The following REPS2 variants were observed in gnomAD, a reference collection of about 807,000 sequenced individuals.
REPS2 encodes ralBP1-associated Eps domain-containing protein 2.
REPS2 carries 23 observed loss-of-function variants against 53.6 expected under a neutral mutation model. The ratio of observed to expected loss-of-function variants is 0.43; its 90% CI spans 0.31 to 0.61. The LOEUF is 0.61. Among genes scored for constraint, REPS2 ranks in the 20% least tolerant of loss-of-function variants. The probability of loss-of-function intolerance (pLI) is 0.11; values close to 1 mark genes in which losing one functional copy is unlikely to be tolerated. For missense variants in REPS2, 446 were observed against 534.9 expected (o/e 0.83, Z 1.64); for synonymous variants, 238 against 218.6 (o/e 1.09, Z -0.78).
intron 9 of REPS2, among the ~76,000 whole-genome samples, chrX:17,063,923 T>TACACAC (rs3842475): frequency 0.02 from 1,977 of 100,297 alleles, 28 homozygotes; most frequent in African/African-American, 0.046. Flanking sequence ...GTTTTACTGT[T>TACACAC]ACACACACAC....
At chrX:16,994,354 C>G (rs1410406624) in intron 1 of REPS2, among the ~76,000 whole-genome samples, 1 of 95,664 alleles carries the variant, frequency 1.0e-5, no homozygotes, top group Non-Finnish European at 2.1e-5. Context: ...TATATATACA[C>G]ACACGTACAT....
At chrX:17,100,489 T>C (rs972448526) in intron 13 of REPS2, among the ~76,000 whole-genome samples, 1 of 112,281 alleles carries the variant, frequency 8.9e-6, no homozygotes, top group Non-Finnish European at 1.9e-5. Context: ...CCTCGGCTAA[T>C]GGCCCTCCTC....
At chrX:17,106,477 G>T (rs1275555753) in intron 14 of REPS2, among the ~76,000 whole-genome samples, 1 of 107,283 alleles carries the variant, frequency 9.3e-6, no homozygotes, top group African/African-American at 3.4e-5. Context: ...GCAGTGGGGT[G>T]ATCTCAGCTC....
At chrX:16,986,837 G>A (rs772673075) in intron 1 of REPS2, among the ~76,000 whole-genome samples, 3 of 110,462 alleles carry the variant, frequency 2.7e-5, no homozygotes, top group Non-Finnish European at 5.7e-5. Context: ...TAGGGGGAGC[G>A]GGGGATGGTT....
the REPS2 span, among the ~76,000 whole-genome samples, chrX:17,159,606 C>CTAT: frequency 4.5e-5 from 5 of 111,720 alleles, no homozygotes; most frequent in Non-Finnish European, 9.4e-5. Flanking sequence ...CTCTGTGCCT[C>CTAT]ACTCCATCAT....
At chrX:16,947,183 CG>C in intron 1 of REPS2, 49 bp downstream of exon 1, 1 of 972,112 alleles carries the variant, frequency 1.0e-6, no homozygotes, top group South Asian at 3.7e-5. Context: ...GCAGTGTGTG[CG>C]GGGGCGGAGG....
chrX:16,955,291 A>G (rs775269176), intron 1 of REPS2, among the ~76,000 whole-genome samples: 43 of 111,632 alleles, frequency 3.9e-4, no homozygotes, highest in South Asian at 3.4e-3. Flanking sequence ...TCCTGGGGGC[A>G]TGGAACTTCA....
intron 6 of REPS2, among the ~76,000 whole-genome samples, chrX:17,049,894 G>A (rs980136929): frequency 9.2e-6 from 1 of 108,883 alleles, no homozygotes; most frequent in Non-Finnish European, 1.9e-5. Flanking sequence ...TTGATGAAAG[G>A]ATTTTTTTTT....
chrX:17,116,689 G>A (rs990794115), intron 14 of REPS2, among the ~76,000 whole-genome samples: 1 of 111,754 alleles, frequency 8.9e-6, no homozygotes, highest in African/African-American at 3.3e-5. Context: ...ATAACAACCT[G>A]TTCTTGTTTT....
At chrX:17,111,385 G>A (rs866456712) in intron 14 of REPS2, among the ~76,000 whole-genome samples, 4 of 112,158 alleles carry the variant, frequency 3.6e-5, no homozygotes, top group Middle Eastern at 4.6e-3. Flanking sequence ...AATTTAATAT[G>A]TATCAAGATA....
chrX:16,972,649 T>G (rs985323253), intron 1 of REPS2, among the ~76,000 whole-genome samples: 7 of 111,790 alleles, frequency 6.3e-5, no homozygotes, highest in Admixed American at 2.9e-4. Flanking sequence ...AATTTTGTTC[T>G]TTTTCCTTTC....
chrX:17,092,849 T>C (rs1351682388), intron 13 of REPS2, among the ~76,000 whole-genome samples: 1 of 105,627 alleles, frequency 9.5e-6, no homozygotes, highest in Non-Finnish European at 1.9e-5. Context: ...GAAGGTGTAC[T>C]TTTTCTTTTG....
rs146711457 is a variant in REPS2 at position 16,996,241 on chromosome X, T to C, written c.274-9980T>C. ...TGGACACAGAAAGGGGATTCAGTCA[T>C]GGAAAGAGGTCAGTCTGCAATGTAA... On this transcript the variant is annotated intron_variant, in intron 1 of 17. Coordinates refer to ENST00000357277, the MANE Select transcript of REPS2 (RefSeq NM_004726.3). 2.7e-3 allele frequency among the ~76,000 whole-genome samples: 296 copies of C among 111,400 alleles called. 3 individuals carry two copies. The East Asian group carries it at 0.051, about 19-fold the overall frequency.
chrX:17,167,243 G>A, the REPS2 span, among the ~76,000 whole-genome samples: 12 of 111,954 alleles, frequency 1.1e-4, no homozygotes, highest in Non-Finnish European at 2.3e-4. Flanking sequence ...GCCTTTGGGT[G>A]GTAGGATTAT....
At chrX:17,177,883 G>T in the REPS2 span, among the ~76,000 whole-genome samples, 2 of 111,410 alleles carry the variant, frequency 1.8e-5, no homozygotes, top group African/African-American at 6.5e-5. Flanking sequence ...TCTCGGCCAA[G>T]AGTGTGTCTG....
intron 1 of REPS2, among the ~76,000 whole-genome samples, chrX:16,982,016 T>G (rs1161995340): frequency 9.0e-6 from 1 of 111,650 alleles, no homozygotes; most frequent in Non-Finnish European, 1.9e-5. Context: ...CTACTTTCTG[T>G]CTCTATGAAT....
At chrX:17,068,173 G>A (rs968385167) in intron 9 of REPS2, among the ~76,000 whole-genome samples, 5 of 110,262 alleles carry the variant, frequency 4.5e-5, no homozygotes, top group Non-Finnish European at 9.5e-5. Flanking sequence ...AATTAGCCAG[G>A]CGTGGTGGCG....
At chrX:17,041,551 G>A (rs774638763) in intron 5 of REPS2, among the ~76,000 whole-genome samples, 3 of 112,199 alleles carry the variant, frequency 2.7e-5, no homozygotes, top group Non-Finnish European at 5.6e-5. Context: ...TAATGAGATC[G>A]TTTTGATCAG....
At chrX:17,124,427 T>G (rs1027636397) in intron 14 of REPS2, among the ~76,000 whole-genome samples, 9 of 111,937 alleles carry the variant, frequency 8.0e-5, no homozygotes, top group Non-Finnish European at 1.9e-5. Context: ...TAATCATTCT[T>G]GCTGAGAATT....
Sources: allele counts gnomAD v4.1 joint callset (sites outside exome capture counted in the v4.1 genomes callset), GRCh38; gene constraint gnomAD v4.1.1; transcripts MANE v1.5; gene names NCBI Gene and HGNC (gene_info 2026-07-23, HGNC 2026-07-21).